STAT3: variants seen among roughly 807,000 people sequenced by gnomAD.
STAT3 encodes the protein signal transducer and activator of transcription 3, also known as DNA-binding protein APRF.
In STAT3, 7 loss-of-function variants were observed where a neutral mutation model predicts 114.3. The observed-to-expected ratio is 0.06, with a 90% CI of 0.03 to 0.11. STAT3 has a LOEUF of 0.11. STAT3 is among the 10% of genes least tolerant of loss of function. The pLI is 1.00. For missense variants in STAT3, 364 were observed against 960.9 expected (o/e 0.38, Z 8.21); for synonymous variants, 331 against 354.5 (o/e 0.93, Z 0.74).
At chr17:42,317,913 T>C (rs2081314381) in intron 21 of STAT3, among the ~76,000 whole-genome samples, 1 of 152,178 alleles carries the variant, frequency 6.6e-6, no homozygotes, top group South Asian at 2.1e-4. Flanking sequence ...CTTCAATAGC[T>C]AAGAGACCTG....
At chr17:42,318,707 A>T (rs1032965300) in intron 21 of STAT3, among the ~76,000 whole-genome samples, 1 of 152,190 alleles carries the variant, frequency 6.6e-6, no homozygotes, top group Non-Finnish European at 1.5e-5. Context: ...GTCATAAAAC[A>T]TGAGGCTTAG....
rs35099574 is a variant in STAT3 at position 42,358,933 on chromosome 17, C to CTTTTTTTTTT, written c.-23-10404_-23-10395dup. On this transcript the variant is annotated intron_variant, in intron 1 of 23. Coordinates refer to ENST00000264657, the MANE Select transcript of STAT3 (RefSeq NM_139276.3). ...GTCTCCCTTTCATGGACATTTCTTA[C>CTTTTTTTTTT]TTTTTTTTTTTTTTTTTTTGAGATG... is the stretch of plus-strand genomic sequence containing the variant. Among the ~76,000 whole-genome samples, 93 of 100,444 alleles carry CTTTTTTTTTT rather than the reference C, an allele frequency of 9.3e-4. 4 individuals carry two copies. The highest frequency in any genetic ancestry group is 1.3e-3 in the African/African-American group (33 of 25,510). The allele number at this position is 100,444 out of a possible 152,430, so 65.9% of individuals were successfully genotyped here. A position where few individuals can be genotyped will look rare whatever the true frequency, so the allele number is the denominator to read the frequency against.
chr17:42,378,130 C>T (rs973104561), intron 1 of STAT3, among the ~76,000 whole-genome samples: 1 of 151,786 alleles, frequency 6.6e-6, no homozygotes, highest in African/African-American at 2.4e-5. Context: ...GGATTACAGG[C>T]GTGAGCCACC....
chr17:42,331,992 A>G (rs1481849762), intron 10 of STAT3, among the ~76,000 whole-genome samples: 1 of 151,292 alleles, frequency 6.6e-6, no homozygotes, highest in Non-Finnish European at 1.5e-5. Context: ...CAATGGCGCA[A>G]TCTCCGTTCA....
rs1191676333 is a variant in STAT3, at chr17:42,315,755, G to A, written c.2303C>T (p.Ser768Phe). The A allele has an allele frequency of 1.9e-6, 3 of 1,613,988 alleles. No homozygotes were observed. Among genetic ancestry groups the A allele is most frequent in the Non-Finnish European group, 1.7e-6 (2 of 1,180,008 alleles). Residue 768 changes from serine (S) to phenylalanine (F), a missense_variant, in exon 24 of 24, where the codon TCC becomes TTC. Around this residue, in one of 5 missense-constraint regions of STAT3, gnomAD observed 37 missense variants for 66.5 expected, o/e 0.56. Coordinates refer to ENST00000264657, the MANE Select transcript of STAT3 (RefSeq NM_139276.3). ...TCCGTTCTCAGCTCCTCACATGGGG[G>A]AGGTAGCGCACTCCGAGGTCAACTC... Reference protein sequence around the residue: ...DMELTSECATSPM With the variant: ...DMELTSECATFPM
rs75648573 is a variant in STAT3 at position 42,322,142 on chromosome 17, C to T, written c.2101+140G>A. On this transcript the variant is annotated intron_variant, in intron 21 of 23. Coordinates refer to ENST00000264657, the MANE Select transcript of STAT3 (RefSeq NM_139276.3). Reference sequence around the variant, plus strand: ...ATCCCATCGGTCACCCCAACAAAAGCACTCACTACAATTCTTTCCCATAAG... The same window carrying T: ...ATCCCATCGGTCACCCCAACAAAAGTACTCACTACAATTCTTTCCCATAAG... 16 of 805,098 alleles carry T rather than the reference C, an allele frequency of 2.0e-5. No homozygotes were observed. In the East Asian group the frequency reaches 4.3e-4, roughly 21 times the overall value. 49.9% of individuals were successfully genotyped at this position (805,098 alleles called of 1,614,324 possible).
At position 42,321,110 on chromosome 17, in the gene STAT3, CTCTCT is replaced by C. The variant is rs1479174186; in HGVS notation, c.2101+1167_2101+1171del. On this transcript the variant is annotated intron_variant, in intron 21 of 23. Transcript: ENST00000264657. ...TGAGATTACAGTATTTTTAATTTCT[CTCTCT>C]TTTTTTTTTTTTTTTTTTTGGTGAG... Among the ~76,000 whole-genome samples, 11 of 143,510 alleles carry C rather than the reference CTCTCT, an allele frequency of 7.7e-5. No individual in the cohort carries two copies. In the East Asian group the frequency reaches 1.0e-3, roughly 14 times the overall value. The allele number at this position is 143,510 out of a possible 152,430, so 94.1% of individuals were successfully genotyped here.
intron 1 of STAT3, among the ~76,000 whole-genome samples, chr17:42,360,597 T>C (rs989362824): frequency 1.3e-5 from 2 of 151,964 alleles, no homozygotes; most frequent in East Asian, 1.9e-4. Flanking sequence ...TGAGCCAAGA[T>C]TGTGTCATTG....
chr17:42,357,632 A>G (rs1193685700), intron 1 of STAT3, among the ~76,000 whole-genome samples: 1 of 152,186 alleles, frequency 6.6e-6, no homozygotes. Context: ...AGATGGTGCC[A>G]CTACACTCCA....
chr17:42,346,441 C>T (rs1486754008), intron 3 of STAT3, 128 bp downstream of exon 3: 13 of 1,386,896 alleles, frequency 9.4e-6, no homozygotes, highest in Non-Finnish European at 1.1e-5. Flanking sequence ...ATTACTTCTC[C>T]TGTGATTGAA....
intron 20 of STAT3, 39 bp downstream of exon 20, chr17:42,322,965 C>T (rs113729916): frequency 5.0e-6 from 8 of 1,612,484 alleles, no homozygotes; most frequent in African/African-American, 4.0e-5. Flanking sequence ...GAGGCCTCAG[C>T]AGCCACCAGC....
In STAT3 at chr17:42,370,515, C is replaced by T. The variant is rs191653148; in HGVS notation, c.-24+17764G>A. Among the ~76,000 whole-genome samples, 5 of 151,442 alleles carry T rather than the reference C, an allele frequency of 3.3e-5. No individual in the cohort carries two copies. In the South Asian group the frequency reaches 6.3e-4, roughly 19 times the overall value. ...CCCATCTCGGGTGATCTGCCCGCCT[C>T]GGCCTCCCAAAGTGCTGGGATTACA... On this transcript the variant is annotated intron_variant, in intron 1 of 23. Coordinates refer to ENST00000264657, the MANE Select transcript of STAT3 (RefSeq NM_139276.3).
At chr17:42,320,402 G>A (rs1351998779) in intron 21 of STAT3, among the ~76,000 whole-genome samples, 2 of 152,122 alleles carry the variant, frequency 1.3e-5, no homozygotes, top group African/African-American at 2.4e-5. Flanking sequence ...CAGCAACTAG[G>A]GCAAGGCGCC....
At chr17:42,372,270 T>C (rs771162078) in intron 1 of STAT3, among the ~76,000 whole-genome samples, 69 of 152,212 alleles carry the variant, frequency 4.5e-4, no homozygotes, top group Non-Finnish European at 8.5e-4. Context: ...AGCAGCTTTA[T>C]TCATAACTGC....
intron 1 of STAT3, among the ~76,000 whole-genome samples, chr17:42,361,794 G>C (rs947529295): frequency 1.3e-5 from 2 of 152,058 alleles, no homozygotes; most frequent in Non-Finnish European, 2.9e-5. Context: ...TTTCTTCCAA[G>C]GGCAATGGGG....
chr17:42,350,344 GAACCTCTAACTCCTGC>G (rs919149021), intron 1 of STAT3, among the ~76,000 whole-genome samples: 16 of 152,162 alleles, frequency 1.1e-4, no homozygotes, highest in African/African-American at 3.6e-4. Context: ...TGCGATCGTG[GAACCTCTAACTCCTGC>G]AACCTCTAAC....
At chr17:42,331,651 T>C (rs971740986) in intron 10 of STAT3, 120 bp from the exon 11 acceptor site, 12 of 808,592 alleles carry the variant, frequency 1.5e-5, no homozygotes, top group Non-Finnish European at 2.2e-5. Flanking sequence ...AAGCTGTCTA[T>C]AATTACAGGC....
chr17:42,334,200 A>T, intron 8 of STAT3, 151 bp from the exon 9 acceptor site: 3 of 920,062 alleles, frequency 3.3e-6, no homozygotes, highest in Admixed American at 2.5e-5. Context: ...CATGAAATTT[A>T]CAATTTTTCA....
intron 5 of STAT3, 117 bp from the exon 6 acceptor site, chr17:42,338,929 C>T: frequency 1.1e-6 from 1 of 883,844 alleles, no homozygotes; most frequent in South Asian, 1.5e-5. Flanking sequence ...AAGATACATG[C>T]AGGACCTGCA....
Sources: gnomAD v4.1 joint callset for allele counts (sites outside exome capture counted in the v4.1 genomes callset) on GRCh38, gnomAD v4.1.1 for gene constraint, gnomAD v4.1.1 regional missense constraint, MANE v1.5 for transcripts, NCBI Gene and HGNC (gene_info 2026-07-23, HGNC 2026-07-21) for gene names.